Variants in SYBU observed in about 807,000 individuals in gnomAD.
SYBU encodes the protein syntabulin, also known as GOLSYN A protein.
In SYBU, 21 loss-of-function variants were observed where a neutral mutation model predicts 35.9. The observed-to-expected ratio is 0.58, with a 90% CI of 0.41 to 0.84. The LOEUF is 0.84. SYBU is among the 40% of genes least tolerant of loss of function. The probability of loss-of-function intolerance (pLI) is 0.00; values close to 1 mark genes in which losing one functional copy is unlikely to be tolerated. For missense variants in SYBU, 768 were observed against 848.2 expected, an observed-to-expected ratio of 0.91 and a Z score of 1.17; for synonymous variants, 319 against 324.3, an observed-to-expected ratio of 0.98 and a Z score of 0.18.
intron 4 of SYBU, 59 bp downstream of exon 4, chr8:109,586,001 G>T: frequency 8.6e-7 from 1 of 1,167,524 alleles, no homozygotes; most frequent in Non-Finnish European, 1.3e-6. Context: ...CAGATGCACA[G>T]GTGCAGGTGA....
intron 1 of SYBU, among the ~76,000 whole-genome samples, chr8:109,676,505 T>A (rs191839060): frequency 6.6e-6 from 1 of 152,294 alleles, no homozygotes; most frequent in East Asian, 1.9e-4. Context: ...ACTGTCATTA[T>A]CAAATTAAGT....
At chr8:109,667,364 G>C (rs1816794242) in intron 1 of SYBU, among the ~76,000 whole-genome samples, 1 of 151,992 alleles carries the variant, frequency 6.6e-6, no homozygotes, top group African/African-American at 2.4e-5. Context: ...GCCCACCTCG[G>C]CCTCCTAAAG....
intron 1 of SYBU, among the ~76,000 whole-genome samples, chr8:109,661,463 C>G (rs78211528): frequency 2.6e-5 from 4 of 152,188 alleles, no homozygotes; most frequent in Non-Finnish European, 5.9e-5. Flanking sequence ...CAGGCTTAGA[C>G]AGGGATGTCC....
chr8:109,589,087 G>A lies in SYBU; in HGVS notation c.428-2925C>T, dbSNP rs1451123110. Among the ~76,000 whole-genome samples, 6 of 152,296 alleles carry A rather than the reference G, an allele frequency of 3.9e-5. No homozygotes were observed. The East Asian group carries it at 1.2e-3, about 29-fold the overall frequency. Reference sequence around the variant, plus strand: ...AGGCAGGAGAATTGCTTGAACCAGGGAGTTGGAGGTTGCAGTGAGCCAAGA... The same window carrying A: ...AGGCAGGAGAATTGCTTGAACCAGGAAGTTGGAGGTTGCAGTGAGCCAAGA... On this transcript the variant is annotated intron_variant, in intron 3 of 6. Coordinates refer to ENST00000276646, the MANE Select transcript of SYBU (RefSeq NM_001099754.2).
intron 1 of SYBU, among the ~76,000 whole-genome samples, chr8:109,669,814 T>G (rs1330331427): frequency 6.6e-6 from 1 of 152,236 alleles, no homozygotes; most frequent in Non-Finnish European, 1.5e-5. Context: ...CAAGCGATAT[T>G]GACATAACCT....
chr8:109,666,956 T>A lies in SYBU; in HGVS notation c.-129+13755A>T, dbSNP rs1253384201. Among the ~76,000 whole-genome samples the A allele has an allele frequency of 3.9e-5, 6 of 152,242 alleles. No homozygotes were observed. The South Asian group carries it at 8.3e-4, about 21-fold the overall frequency. On this transcript the variant is annotated intron_variant, in intron 1 of 5. Transcript: ENST00000408889. ...TTTAGCTTATCCTCTAATTTAAATA[T>A]CCCATCTGATTTTTACATGGAATTG...
rs760192717 is a variant in SYBU, at chr8:109,618,920, T to C, written c.349A>G (p.Thr117Ala). 2 of 1,614,192 alleles carry C rather than the reference T, an allele frequency of 1.2e-6. No individual in the cohort carries two copies. The highest frequency in any genetic ancestry group is 1.7e-6 in the Non-Finnish European group (2 of 1,180,024). The change falls in exon 3 of 7, where the codon ACG (threonine) becomes GCG (alanine). Residue 117 changes from threonine (T) to alanine (A), a missense_variant. Physicochemically the swap from Thr to Ala is moderately conservative, Grantham distance 58. Coordinates refer to ENST00000276646, the MANE Select transcript of SYBU (RefSeq NM_001099754.2). ...CTTCCTTCACCAACCATTCCAATCG[T>C]GCATTTCTTTCTGGTGAAGCCTTCA... ...SDEGFTRKKC[T>A]IGMVGEGSIQ...
At chr8:109,578,162 G>T in intron 5 of SYBU, 145 bp from the exon 6 acceptor site, 1 of 905,188 alleles carries the variant, frequency 1.1e-6, no homozygotes, top group Non-Finnish European at 1.6e-6. Flanking sequence ...GACGGTATTA[G>T]GTGGTGACGA....
intron 2 of SYBU, 103 bp downstream of exon 2, chr8:109,642,625 G>A (rs1815036944): frequency 3.1e-6 from 2 of 637,306 alleles, no homozygotes; most frequent in South Asian, 4.6e-5. Context: ...CCTAATAGTA[G>A]AAGTGTAGTT....
chr8:109,591,032 A>G (rs527634941), intron 3 of SYBU, among the ~76,000 whole-genome samples: 8 of 152,316 alleles, frequency 5.3e-5, no homozygotes, highest in Non-Finnish European at 8.8e-5. Flanking sequence ...TACTGCTAGG[A>G]ATTTATTCTG....
intron 1 of SYBU, chr8:109,643,753 C>T (rs1815212341): frequency 4.5e-6 from 1 of 220,140 alleles, no homozygotes; most frequent in East Asian, 1.5e-4. Context: ...GATCTTTACA[C>T]ACCAGACTGT....
At chr8:109,641,860 T>C (rs34994726) in intron 2 of SYBU, among the ~76,000 whole-genome samples, 11,834 of 152,072 alleles carry the variant, frequency 0.078, 590 homozygotes, top group East Asian at 0.12. Context: ...TTGGTGGGAG[T>C]GTAAATTAGT....
intron 1 of SYBU, among the ~76,000 whole-genome samples, chr8:109,667,036 G>C (rs1275971475): frequency 6.6e-6 from 1 of 152,144 alleles, no homozygotes; most frequent in African/African-American, 2.4e-5. Flanking sequence ...ACATACAACA[G>C]AGTGAAAAGA....
At chr8:109,645,591 A>G (rs571147070), upstream of SYBU, 14 of 288,066 alleles carry the variant, frequency 4.9e-5, no homozygotes, top group African/African-American at 2.8e-4. Context: ...CTTCAGCCTG[A>G]GTGCCTTTAT....
intron 4 of SYBU, chr8:109,580,805 C>A (rs1479426765): frequency 1.3e-5 from 2 of 152,576 alleles, no homozygotes; most frequent in Admixed American, 6.5e-5. Context: ...TCCCACTACT[C>A]CATCCAACCC....
intron 3 of SYBU, among the ~76,000 whole-genome samples, chr8:109,592,011 A>C (rs559692189): frequency 6.6e-6 from 1 of 152,074 alleles, no homozygotes; most frequent in Non-Finnish European, 1.5e-5. Context: ...GAGGTTATTA[A>C]TATTAAGAAT....
At chr8:109,663,488 A>G (rs973216930) in intron 1 of SYBU, among the ~76,000 whole-genome samples, 2 of 152,154 alleles carry the variant, frequency 1.3e-5, no homozygotes, top group African/African-American at 4.8e-5. Context: ...CAGTGTGTAT[A>G]ATGGTAATGA....
At chr8:109,664,011 A>T (rs1816668201) in intron 1 of SYBU, among the ~76,000 whole-genome samples, 1 of 152,216 alleles carries the variant, frequency 6.6e-6, no homozygotes. Flanking sequence ...AAGCTAAATA[A>T]ACAGGTAATG....
At chr8:109,629,067 G>A (rs1406913763) in intron 2 of SYBU, among the ~76,000 whole-genome samples, 1 of 152,156 alleles carries the variant, frequency 6.6e-6, no homozygotes, top group African/African-American at 2.4e-5. Flanking sequence ...CAGGAATATG[G>A]TGCATTATGG....
Sources: allele counts gnomAD v4.1 joint callset (sites outside exome capture counted in the v4.1 genomes callset), GRCh38; gene constraint gnomAD v4.1.1; transcripts MANE v1.5; gene names NCBI Gene and HGNC (gene_info 2026-07-23, HGNC 2026-07-21).